RELB: variants seen among roughly 807,000 people sequenced by gnomAD.
The protein encoded by RELB is transcription factor RelB.
RELB carries 14 observed loss-of-function variants against 55.4 expected under a neutral mutation model. The observed-to-expected ratio is 0.25, with a 90% CI of 0.17 to 0.40. The LOEUF (loss-of-function observed/expected upper bound fraction) is 0.40. RELB is among the 10% of genes least tolerant of loss of function. The pLI is 1.00. For synonymous variants in RELB, 409 were observed against 371.3 expected (o/e 1.10, Z -1.17); for missense variants, 669 against 830.7 (o/e 0.81, Z 2.39).
intron 4 of RELB, 183 bp from the exon 5 acceptor site, chr19:45,021,870 C>T (rs970877855): frequency 2.0e-5 from 11 of 553,102 alleles, no homozygotes; most frequent in African/African-American, 5.8e-5. Context: ...CCACCTCGCC[C>T]GGCCCAAAGT....
intron 4 of RELB, among the ~76,000 whole-genome samples, chr19:45,017,450 A>AAAAAAAAAAAC (rs1971433004): frequency 6.9e-5 from 2 of 29,004 alleles, no homozygotes; most frequent in African/African-American, 2.1e-4. Flanking sequence ...GAATCTGTCT[A>AAAAAAAAAAAC]AAAAAAAAAA....
chr19:45,024,032 G>A lies in RELB; in HGVS notation c.663-1297G>A, dbSNP rs557932536. On this transcript the variant is annotated intron_variant, in intron 5 of 11. Coordinates refer to ENST00000221452, the MANE Select transcript of RELB (RefSeq NM_006509.4). ...CAATTTTTGTATTTTTAGTAGAGAC[G>A]GGGTTTCACCACGTTGGTCAGGCTG... Among the ~76,000 whole-genome samples, 2 of 114,024 alleles carry A rather than the reference G, an allele frequency of 1.8e-5. 1 individual carries two copies. The highest frequency in any genetic ancestry group is 5.1e-4 in the East Asian group (2 of 3,940). The allele number at this position is 114,024 out of a possible 152,430, so 74.8% of individuals were successfully genotyped here. A position where few individuals can be genotyped will look rare whatever the true frequency, so the allele number is the denominator to read the frequency against.
chr19:45,004,032 C>A (rs1971251953), intron 2 of RELB, among the ~76,000 whole-genome samples: 1 of 139,888 alleles, frequency 7.1e-6, no homozygotes, highest in Admixed American at 7.8e-5. Context: ...CAGCAATTCT[C>A]CTGCCTCAGC....
intron 5 of RELB, among the ~76,000 whole-genome samples, chr19:45,023,740 CTTTTTTTTTTTTTTTTTTT>C (rs1168078618): frequency 5.2e-5 from 2 of 38,362 alleles, no homozygotes; most frequent in Admixed American, 4.8e-4. Flanking sequence ...TGCCCAGCCT[CTTTTTTTTTTTTTTTTTTT>C]TTTTTTTTTG....
chr19:45,011,887 T>A (rs760604986), intron 3 of RELB, 49 bp from the exon 4 acceptor site: 39 of 1,233,328 alleles, frequency 3.2e-5, no homozygotes, highest in African/African-American at 1.2e-4. Context: ...TTTTTTTTTT[T>A]AATTTTTTAA....
chr19:45,034,636 G>A, intron 11 of RELB, 108 bp downstream of exon 11: 1 of 879,562 alleles, frequency 1.1e-6, no homozygotes. Flanking sequence ...CACAAGGCGA[G>A]TCACTCAGCA....
Position 45,003,915 on chromosome 19 carries a change from G to GTTTTTTTTTTTTT in RELB, c.154+933_154+945dup. On this transcript the variant is annotated intron_variant, in intron 2 of 11. Coordinates refer to ENST00000221452, the MANE Select transcript of RELB (RefSeq NM_006509.4). ...TGGGTTTTTTTTGTCTGTTTTTTGT[G>GTTTTTTTTTTTTT]TTTTTTTTTTTTTTTTTTTTTTTTT... Among the ~76,000 whole-genome samples, 39 of 63,576 alleles carry GTTTTTTTTTTTTT rather than the reference G, an allele frequency of 6.1e-4. 4 individuals are homozygous for GTTTTTTTTTTTTT. The highest frequency in any genetic ancestry group is 1.5e-3 in the South Asian group (2 of 1,312). The allele number at this position is 63,576 out of a possible 152,430, so 41.7% of individuals were successfully genotyped here.
intron 4 of RELB, 160 bp from the exon 5 acceptor site, chr19:45,021,893 A>G: frequency 1.4e-6 from 1 of 716,334 alleles, no homozygotes; most frequent in Non-Finnish European, 2.2e-6. Flanking sequence ...TCTTAAGCAA[A>G]CACATTCCAT....
intron 9 of RELB, 141 bp downstream of exon 9, chr19:45,032,890 C>A: frequency 1.4e-6 from 1 of 729,282 alleles, no homozygotes; most frequent in Non-Finnish European, 2.3e-6. Context: ...CCTGGCTCTG[C>A]TGCTTACTGG....
intron 2 of RELB, among the ~76,000 whole-genome samples, chr19:45,005,767 C>T (rs1971275174): frequency 6.6e-6 from 1 of 152,128 alleles, no homozygotes; most frequent in Admixed American, 6.6e-5. Flanking sequence ...CCATGTCCAC[C>T]TAATTTTTGT....
chr19:45,035,080 G>A (rs1568405950), intron 11 of RELB, among the ~76,000 whole-genome samples: 1 of 151,890 alleles, frequency 6.6e-6, no homozygotes, highest in Non-Finnish European at 1.5e-5. Flanking sequence ...GACCTCAGGT[G>A]ATCTGCTTGC....
At chr19:45,011,891 T>C in intron 3 of RELB, 45 bp from the exon 4 acceptor site, 1 of 1,312,204 alleles carries the variant, frequency 7.6e-7, no homozygotes, top group South Asian at 1.7e-5. Context: ...TTTTTTTAAT[T>C]TTTTAAAGAA....
At position 45,025,347 on chromosome 19, in the gene RELB, C is replaced by T. The variant is rs1375613549; in HGVS notation, c.681C>T (p.Ile227=). 1 of 1,611,964 alleles carries T rather than the reference C, an allele frequency of 6.2e-7. No homozygotes were observed. The highest frequency in any genetic ancestry group is 1.3e-5 in the African/African-American group (1 of 74,872). Residue 227 remains isoleucine (I), a synonymous_variant, in exon 6 of 12, where the codon ATC becomes ATT. Transcript: ENST00000221452. The part of the protein sequence containing the change: ...SPRHSFNNLG[I]QCVRKKEIEA... ...CCCTCAGTTTTAACAACCTGGGCAT[C>T]CAGTGTGTGAGGAAGAAGGAGATTG...
chr19:45,027,769 A>T (rs2122474331), intron 7 of RELB, among the ~76,000 whole-genome samples: 1 of 152,188 alleles, frequency 6.6e-6, no homozygotes, highest in South Asian at 2.1e-4. Flanking sequence ...ACAGGTGTCC[A>T]CTACATGATT....
chr19:45,025,532 C>A lies in RELB; in HGVS notation c.755-74C>A, dbSNP rs555965882. 1.9e-5 allele frequency: 31 copies of A among 1,592,362 alleles called. No homozygotes were observed. The East Asian group carries it at 6.7e-4, about 35-fold the overall frequency. On this transcript the variant is annotated intron_variant, in intron 6 of 11. Transcript: ENST00000221452. Reference sequence around the variant, plus strand: ...CCCCACCGTCTCCTCCAGCCCCATCCCTTCCCCGTTCCCCTGTACCCCAGA... The same window carrying A: ...CCCCACCGTCTCCTCCAGCCCCATCACTTCCCCGTTCCCCTGTACCCCAGA...
chr19:45,002,486 G>A (rs901154004), intron 1 of RELB, among the ~76,000 whole-genome samples: 3 of 152,152 alleles, frequency 2.0e-5, no homozygotes, highest in African/African-American at 7.2e-5. Context: ...CCGAGTAGCT[G>A]GAATTACAGG....
At position 45,021,735 on chromosome 19, in the gene RELB, G is replaced by A. The variant is rs35001618; in HGVS notation, c.505-318G>A. 673 of 211,332 alleles carry A rather than the reference G, an allele frequency of 3.2e-3. 4 individuals are homozygous for A. The highest frequency in any genetic ancestry group is 0.013 in the African/African-American group (566 of 43,646). The allele number at this position is 211,332 out of a possible 1,614,324, so 13.1% of individuals were successfully genotyped here. A position where few individuals can be genotyped will look rare whatever the true frequency, so the allele number is the denominator to read the frequency against. Reference sequence around the variant, plus strand: ...GATTACAGGCATGCGCCACCATGCCGGGCTAATTTTTGTATTTTCAGTAGA... The same window carrying A: ...GATTACAGGCATGCGCCACCATGCCAGGCTAATTTTTGTATTTTCAGTAGA... On this transcript the variant is annotated intron_variant, in intron 4 of 11. Transcript: ENST00000221452.
intron 2 of RELB, among the ~76,000 whole-genome samples, chr19:45,004,380 G>A (rs1458957438): frequency 2.7e-5 from 4 of 149,020 alleles, no homozygotes; most frequent in African/African-American, 5.0e-5. Context: ...GTGCCACCAC[G>A]CTCAGCTAAT....
chr19:45,025,989 C>G (rs1971554369), intron 7 of RELB, among the ~76,000 whole-genome samples: 1 of 152,092 alleles, frequency 6.6e-6, no homozygotes, highest in Non-Finnish European at 1.5e-5. Context: ...TGCCGGTAAT[C>G]CCAGCACTTT....
Sources: allele counts gnomAD v4.1 joint callset (sites outside exome capture counted in the v4.1 genomes callset), GRCh38; gene constraint gnomAD v4.1.1; transcripts MANE v1.5; gene names NCBI Gene and HGNC (gene_info 2026-07-23, HGNC 2026-07-21).